CADPS: variants seen among roughly 807,000 people sequenced by gnomAD.
CADPS encodes calcium dependent secretion activator.
Under a neutral mutation model 167.3 loss-of-function variants are expected in CADPS, and 57 were observed. That is an observed-to-expected ratio of 0.34 (90% CI 0.28 to 0.42). The LOEUF is 0.42. Among genes scored for constraint, CADPS ranks in the 20% least tolerant of loss-of-function variants. CADPS has a pLI of 1.00. For missense variants in CADPS, 1,414 were observed against 1,738.1 expected, an observed-to-expected ratio of 0.81 and a Z score of 3.32; for synonymous variants, 676 against 635.3, an observed-to-expected ratio of 1.06 and a Z score of -0.96.
At chr3:62,558,382 A>C (rs562802652) in intron 9 of CADPS, among the ~76,000 whole-genome samples, 4 of 152,218 alleles carry the variant, frequency 2.6e-5, no homozygotes, top group Non-Finnish European at 5.9e-5. Flanking sequence ...TAGCATTTCT[A>C]CATCTGGCTT....
rs1357000977 is a variant in CADPS, at chr3:62,626,429, T to C, written c.1325+19293A>G. The stretch of plus-strand genomic sequence containing the variant: ...AACCAGGGAAATACACAGACTATAG[T>C]GAAATTATTCAGTAAACAGAGATTG... On this transcript the variant is annotated intron_variant, in intron 6 of 29. Transcript: ENST00000383710. The C allele has an allele frequency of 5.8e-6, 4 of 691,556 alleles. No individual in the cohort carries two copies. In the Admixed American group the frequency reaches 8.2e-5, roughly 14 times the overall value. The allele number at this position is 691,556 out of a possible 1,614,324, so 42.8% of individuals were successfully genotyped here. A position where few individuals can be genotyped will look rare whatever the true frequency, so the allele number is the denominator to read the frequency against.
rs990356606 is a variant in CADPS at position 62,699,927 on chromosome 3, T to G, written c.889-37533A>C. ...TACATATTGTCTATGGCTGCTTTTG[T>G]GCTATAAAAGCAGAGCTGAGTAGTT... On this transcript the variant is annotated intron_variant, in intron 3 of 29. Coordinates refer to ENST00000383710, the MANE Select transcript of CADPS (RefSeq NM_003716.4). 2.6e-5 allele frequency among the ~76,000 whole-genome samples: 4 copies of G among 152,080 alleles called. 1 individual carries two copies. The highest frequency in any genetic ancestry group is 9.7e-5 in the African/African-American group (4 of 41,382).
chr3:62,437,896 G>T (rs577902723), intron 28 of CADPS, among the ~76,000 whole-genome samples: 8 of 152,176 alleles, frequency 5.3e-5, no homozygotes, highest in Non-Finnish European at 1.2e-4. Flanking sequence ...GTATCACACA[G>T]ATTGGGACTG....
intron 1 of CADPS, among the ~76,000 whole-genome samples, chr3:62,823,605 A>T (rs1284396028): frequency 6.6e-6 from 1 of 152,204 alleles, no homozygotes; most frequent in Non-Finnish European, 1.5e-5. Context: ...GGATTAAAAT[A>T]CACAGCTGTA....
In CADPS at chr3:62,594,651, G is replaced by C. The variant is rs115203073; in HGVS notation, c.1326-1903C>G. On this transcript the variant is annotated intron_variant, in intron 6 of 29. Transcript: ENST00000383710. The stretch of plus-strand genomic sequence containing the variant: ...GGGCTCAAGCAATCCTTCCACCTCA[G>C]TCTCCTGAGTAGCTAGGAGTTAGAT... Among the ~76,000 whole-genome samples, 1,265 of 152,290 alleles carry C rather than the reference G, an allele frequency of 8.3e-3. 22 individuals carry two copies. Among genetic ancestry groups the C allele is most frequent in the African/African-American group, 0.028 (1,172 of 41,538 alleles).
At chr3:62,472,136 A>G (rs1324101485) in intron 24 of CADPS, among the ~76,000 whole-genome samples, 1 of 152,210 alleles carries the variant, frequency 6.6e-6, no homozygotes, top group Non-Finnish European at 1.5e-5. Context: ...GTTTATATGA[A>G]ATGTTCAGAA....
chr3:62,742,196 C>T (rs2080417224), intron 3 of CADPS, among the ~76,000 whole-genome samples: 2 of 152,234 alleles, frequency 1.3e-5, no homozygotes, highest in Middle Eastern at 3.4e-3. Context: ...AATGGTCATA[C>T]TGCCCAAAGC....
chr3:62,707,349 T>A (rs916587098), intron 3 of CADPS, among the ~76,000 whole-genome samples: 1 of 152,118 alleles, frequency 6.6e-6, no homozygotes, highest in African/African-American at 2.4e-5. Context: ...TGTGAAAACA[T>A]TGTCTTCCAC....
chr3:62,852,848 A>C (rs73844648), intron 1 of CADPS, among the ~76,000 whole-genome samples: 1 of 152,180 alleles, frequency 6.6e-6, no homozygotes, highest in African/African-American at 2.4e-5. Context: ...TTATCTATTT[A>C]CATGTCTATG....
At chr3:62,456,303 TTAATTA>T (rs2058677313) in intron 26 of CADPS, among the ~76,000 whole-genome samples, 1 of 152,182 alleles carries the variant, frequency 6.6e-6, no homozygotes, top group Non-Finnish European at 1.5e-5. Flanking sequence ...TTAAAAATAC[TTAATTA>T]TAAAGGGAAA....
chr3:62,829,323 A>G (rs1390263547), intron 1 of CADPS, among the ~76,000 whole-genome samples: 4 of 152,176 alleles, frequency 2.6e-5, no homozygotes, highest in African/African-American at 9.6e-5. Context: ...TGTATTAGGT[A>G]TTATAAGTAA....
chr3:62,842,900 CA>C (rs2076850905), intron 1 of CADPS, among the ~76,000 whole-genome samples: 1 of 152,198 alleles, frequency 6.6e-6, no homozygotes, highest in Non-Finnish European at 1.5e-5. Flanking sequence ...ACTGCGTAAC[CA>C]AGGTTTTCCC....
At position 62,740,472 on chromosome 3, in the gene CADPS, A is replaced by G. The variant is rs143470733; in HGVS notation, c.888+12969T>C. Among the ~76,000 whole-genome samples the G allele has an allele frequency of 9.8e-4, 149 of 152,350 alleles. 1 individual carries two copies. Among genetic ancestry groups the G allele is most frequent in the African/African-American group, 3.4e-3 (143 of 41,582 alleles). On this transcript the variant is annotated intron_variant, in intron 3 of 29. Transcript: ENST00000383710. ...GGCAATTATTTCATTCAACCACATT[A>G]CACTTATGATACAAATTTGTCTCTA...
chr3:62,842,065 A>G (rs976971693), intron 1 of CADPS, among the ~76,000 whole-genome samples: 1 of 152,230 alleles, frequency 6.6e-6, no homozygotes, highest in African/African-American at 2.4e-5. Context: ...AAATAATTCT[A>G]TTTGAAATAA....
At chr3:62,619,176 C>A (rs2062789600) in intron 6 of CADPS, among the ~76,000 whole-genome samples, 2 of 152,086 alleles carry the variant, frequency 1.3e-5, no homozygotes, top group South Asian at 4.1e-4. Context: ...TGCTATTTTG[C>A]CCTTATAGAA....
At chr3:62,467,341 G>GAA (rs754538373) in intron 24 of CADPS, 14 of 1,188,392 alleles carry the variant, frequency 1.2e-5, no homozygotes, top group Admixed American at 3.2e-5. Context: ...ATTAGGAACA[G>GAA]AAAAAAAAAG....
chr3:62,648,700 A>T lies in CADPS; in HGVS notation c.1203+2147T>A, dbSNP rs2069200085. 1.3e-5 allele frequency among the ~76,000 whole-genome samples: 2 copies of T among 150,364 alleles called. 1 individual carries two copies. The highest frequency in any genetic ancestry group is 4.9e-5 in the African/African-American group (2 of 41,070). ...GAGTGAGACGTTGTGTCAAAAAAAA[A>T]AAAAAGAGGAAAGAAAATTACAGAT... is the stretch of plus-strand genomic sequence containing the variant. On this transcript the variant is annotated intron_variant, in intron 5 of 29. Coordinates refer to ENST00000383710, the MANE Select transcript of CADPS (RefSeq NM_003716.4).
intron 11 of CADPS, among the ~76,000 whole-genome samples, chr3:62,547,866 T>C (rs1335634870): frequency 2.0e-5 from 3 of 152,108 alleles, no homozygotes; most frequent in South Asian, 2.1e-4. Context: ...CGATTTCTTG[T>C]CTCTAATTTT....
chr3:62,757,496 C>A (rs1434860507), intron 2 of CADPS, among the ~76,000 whole-genome samples: 1 of 152,092 alleles, frequency 6.6e-6, no homozygotes, highest in Non-Finnish European at 1.5e-5. Flanking sequence ...AAGAGCAAAG[C>A]AGACTCCTCT....
Sources: gnomAD v4.1 joint callset for allele counts (sites outside exome capture counted in the v4.1 genomes callset) on GRCh38, gnomAD v4.1.1 for gene constraint, MANE v1.5 for transcripts, NCBI Gene and HGNC (gene_info 2026-07-23, HGNC 2026-07-21) for gene names.